Variants in ADAMTSL1 observed in about 807,000 individuals in gnomAD.
The protein encoded by ADAMTSL1 is ADAMTS like 1.
A neutral mutation model predicts 201.8 loss-of-function variants in ADAMTSL1; 126 were observed. The ratio of observed to expected loss-of-function variants is 0.62; its 90% CI spans 0.54 to 0.72. ADAMTSL1 has a LOEUF of 0.72. Among genes scored for constraint, ADAMTSL1 ranks in the 30% least tolerant of loss-of-function variants. The pLI is 0.00. For synonymous variants in ADAMTSL1, 1,121 were observed against 903.4 expected, an observed-to-expected ratio of 1.24 and a Z score of -4.32; for missense variants, 2,679 against 2,277.8, an observed-to-expected ratio of 1.18 and a Z score of -3.59.
At chr9:18,171,805 G>T (rs1222868844) in intron 2 of ADAMTSL1, among the ~76,000 whole-genome samples, 1 of 151,922 alleles carries the variant, frequency 6.6e-6, no homozygotes, top group South Asian at 2.1e-4. Context: ...GGGTTTTTAT[G>T]GTTTTAGGTC....
chr9:18,047,079 G>T (rs987558331), intron 1 of ADAMTSL1, among the ~76,000 whole-genome samples: 1 of 151,970 alleles, frequency 6.6e-6, no homozygotes, highest in Non-Finnish European at 1.5e-5. Context: ...ATTGACAAGG[G>T]TGAAAATAAA....
At chr9:17,937,394 G>A (rs186309095) in intron 1 of ADAMTSL1, among the ~76,000 whole-genome samples, 1 of 151,918 alleles carries the variant, frequency 6.6e-6, no homozygotes, top group Non-Finnish European at 1.5e-5. Flanking sequence ...CACTGCACAC[G>A]TTCTCTCTGC....
chr9:18,540,659 T>C (rs892468885), intron 3 of ADAMTSL1, among the ~76,000 whole-genome samples: 1 of 152,154 alleles, frequency 6.6e-6, no homozygotes, highest in Non-Finnish European at 1.5e-5. Context: ...CTCAGAGTGA[T>C]GAGCTTTGGA....
chr9:18,572,229 T>C (rs1264318307), intron 3 of ADAMTSL1, among the ~76,000 whole-genome samples: 1 of 152,128 alleles, frequency 6.6e-6, no homozygotes, highest in African/African-American at 2.4e-5. Flanking sequence ...TTGTATTGTA[T>C]GTCATGATTT....
At chr9:18,004,342 T>C (rs1819728991) in intron 1 of ADAMTSL1, among the ~76,000 whole-genome samples, 1 of 151,960 alleles carries the variant, frequency 6.6e-6, no homozygotes, top group African/African-American at 2.4e-5. Flanking sequence ...TTCTGAGCTC[T>C]GGCTGCTTCC....
chr9:18,784,928 G>A (rs540837282), intron 19 of ADAMTSL1, among the ~76,000 whole-genome samples: 1 of 152,318 alleles, frequency 6.6e-6, no homozygotes, highest in African/African-American at 2.4e-5. Flanking sequence ...CACTTTGGGA[G>A]GCCGAGGTGG....
At chr9:17,936,345 C>T (rs1204674003) in intron 1 of ADAMTSL1, among the ~76,000 whole-genome samples, 1 of 152,084 alleles carries the variant, frequency 6.6e-6, no homozygotes, top group African/African-American at 2.4e-5. Flanking sequence ...TGCTAGGCAC[C>T]ATTGAGGTAG....
At chr9:18,290,744 G>A in intron 2 of ADAMTSL1, among the ~76,000 whole-genome samples, 1 of 151,260 alleles carries the variant, frequency 6.6e-6, no homozygotes, top group East Asian at 1.9e-4. Flanking sequence ...TCACAGAGTG[G>A]TAAGGGCTCA....
At chr9:18,621,339 A>G (rs1587724234) in intron 4 of ADAMTSL1, among the ~76,000 whole-genome samples, 1 of 152,172 alleles carries the variant, frequency 6.6e-6, no homozygotes, top group Admixed American at 6.6e-5. Context: ...CCGGGCATAA[A>G]TGTTTCACGA....
intron 1 of ADAMTSL1, among the ~76,000 whole-genome samples, chr9:18,061,542 C>T (rs189467437): frequency 6.6e-6 from 1 of 152,224 alleles, no homozygotes; most frequent in Admixed American, 6.5e-5. Context: ...TATTAGTGTG[C>T]CATTTCCTTA....
intron 25 of ADAMTSL1, 111 bp from the exon 26 acceptor site, chr9:18,892,278 G>A: frequency 1.9e-6 from 2 of 1,040,448 alleles, no homozygotes; most frequent in Non-Finnish European, 2.8e-6. Flanking sequence ...ACTGTAAAAA[G>A]GGCCTTGGCC....
chr9:18,079,332 C>A (rs1823372364), intron 1 of ADAMTSL1, among the ~76,000 whole-genome samples: 1 of 152,158 alleles, frequency 6.6e-6, no homozygotes, highest in African/African-American at 2.4e-5. Context: ...CATCTTGATA[C>A]CTCAAGTCGA....
chr9:18,731,167 A>C (rs1818195705), intron 15 of ADAMTSL1, among the ~76,000 whole-genome samples: 1 of 152,212 alleles, frequency 6.6e-6, no homozygotes, highest in African/African-American at 2.4e-5. Flanking sequence ...GGCAATGTCA[A>C]AGCTAAATAT....
intron 1 of ADAMTSL1, among the ~76,000 whole-genome samples, chr9:18,055,843 C>T (rs1822157589): frequency 6.6e-6 from 1 of 152,204 alleles, no homozygotes; most frequent in Non-Finnish European, 1.5e-5. Context: ...GCCATGCTGT[C>T]AAGGTTTAAT....
intron 20 of ADAMTSL1, among the ~76,000 whole-genome samples, chr9:18,799,290 G>A (rs1384278471): frequency 6.6e-6 from 1 of 152,228 alleles, no homozygotes; most frequent in Non-Finnish European, 1.5e-5. Context: ...AACAGGGCTA[G>A]GTAAAGGAGA....
intron 19 of ADAMTSL1, among the ~76,000 whole-genome samples, chr9:18,781,211 A>G (rs1821373709): frequency 6.6e-6 from 1 of 152,156 alleles, no homozygotes; most frequent in Non-Finnish European, 1.5e-5. Context: ...GCAGAGGGAA[A>G]GTCCTGGATT....
At chr9:18,137,576 A>T (rs1279641006) in intron 1 of ADAMTSL1, among the ~76,000 whole-genome samples, 3 of 152,174 alleles carry the variant, frequency 2.0e-5, no homozygotes, top group Non-Finnish European at 4.4e-5. Flanking sequence ...TTTTAAGAAA[A>T]CACTTTATGG....
chr9:18,228,156 C>T (rs781168006), intron 2 of ADAMTSL1, among the ~76,000 whole-genome samples: 3 of 152,160 alleles, frequency 2.0e-5, no homozygotes, highest in Non-Finnish European at 4.4e-5. Flanking sequence ...AAACCTTTTT[C>T]CATAGAGAGA....
chr9:18,592,038 C>T (rs1823949185), intron 4 of ADAMTSL1, among the ~76,000 whole-genome samples: 1 of 152,196 alleles, frequency 6.6e-6, no homozygotes, highest in African/African-American at 2.4e-5. Context: ...TTTCTGTTAA[C>T]CAATGCCGGC....
Sources: allele counts gnomAD v4.1 joint callset (sites outside exome capture counted in the v4.1 genomes callset), GRCh38; gene constraint gnomAD v4.1.1; transcripts MANE v1.5; gene names NCBI Gene and HGNC (gene_info 2026-07-23, HGNC 2026-07-21).